Variants in CHRNB3 observed in about 807,000 individuals in gnomAD.
The protein encoded by CHRNB3 is neuronal acetylcholine receptor subunit beta-3.
In CHRNB3, 37 loss-of-function variants were observed where a neutral mutation model predicts 40.6. That is an observed-to-expected ratio of 0.91 (90% CI 0.70 to 1.20). CHRNB3 has a LOEUF of 1.20. Among genes scored for constraint, CHRNB3 ranks in the 50% most tolerant of loss-of-function variants. The pLI is 0.00. For missense variants in CHRNB3, 505 were observed against 551.2 expected (o/e 0.92, Z 0.84); for synonymous variants, 207 against 207.1 (o/e 1.00, Z 0.00).
chr8:42,732,007 T>G lies in CHRNB3; in HGVS notation c.700T>G (p.Leu234Val). The G allele has an allele frequency of 1.2e-6, 2 of 1,614,042 alleles. No individual in the cohort carries two copies. Among genetic ancestry groups the G allele is most frequent in the Non-Finnish European group, 1.7e-6 (2 of 1,180,004 alleles). The change falls in exon 5 of 6, where the codon TTA becomes GTA. Residue 234 changes from leucine (L) to valine (V), a missense_variant. Leu to Val is a conservative substitution (Grantham distance 32). Coordinates refer to ENST00000289957, the MANE Select transcript of CHRNB3 (RefSeq NM_000749.5). ...TTCCTTCGTCCTGAGACGCCTGCCT[T>G]TATTCTATACCCTCTTTCTCATCAT... ...TYSFVLRRLP[L>V]FYTLFLIIPC...
chr8:42,706,866 T>G (rs1437184334), intron 1 of CHRNB3, among the ~76,000 whole-genome samples: 10 of 152,222 alleles, frequency 6.6e-5, no homozygotes, highest in Non-Finnish European at 1.3e-4. Flanking sequence ...ACTCAAGCCA[T>G]CCTCCTGCCC....
Position 42,708,868 on chromosome 8 carries a change from GGTGA to G in CHRNB3, c.204+3_204+6del. The G allele has an allele frequency of 1.9e-6, 3 of 1,611,468 alleles. No homozygotes were observed. The highest frequency in any genetic ancestry group is 2.5e-6 in the Non-Finnish European group (3 of 1,178,722). On this transcript the variant is annotated splice_donor_variant and splice_donor_region_variant and intron_variant, in intron 2 of 5. Transcript: ENST00000289957. LOFTEE classifies it high-confidence loss of function. ...TGAAAATATCCCAGCTTGTAGATGTGGTGAGTAATCCTTGGCACTTGGCTAAAAA... is the reference window on the plus strand; with the variant it reads ...TGAAAATATCCCAGCTTGTAGATGTGGTAATCCTTGGCACTTGGCTAAAAA...
intron 3 of CHRNB3, among the ~76,000 whole-genome samples, chr8:42,711,090 AG>A (rs1816007094): frequency 6.6e-6 from 1 of 152,232 alleles, no homozygotes; most frequent in African/African-American, 2.4e-5. Flanking sequence ...AGTTTGTTCT[AG>A]GATTGTCAGT....
chr8:42,704,699 T>C (rs148382230), intron 1 of CHRNB3, among the ~76,000 whole-genome samples: 14 of 149,028 alleles, frequency 9.4e-5, no homozygotes, highest in Admixed American at 2.0e-4. Context: ...TGTGTGTGTG[T>C]GCTTGCATGT....
At chr8:42,726,755 G>T (rs1020992387) in intron 3 of CHRNB3, among the ~76,000 whole-genome samples, 1 of 152,142 alleles carries the variant, frequency 6.6e-6, no homozygotes, top group South Asian at 2.1e-4. Flanking sequence ...CTGCCAAAGT[G>T]CTGGGATTAC....
intron 3 of CHRNB3, chr8:42,725,884 A>G: frequency 1.2e-6 from 1 of 834,260 alleles, no homozygotes; most frequent in Non-Finnish European, 2.1e-6. Flanking sequence ...GACACCACTA[A>G]AAATTTTCTT....
chr8:42,720,838 G>A (rs1055676677), intron 3 of CHRNB3, among the ~76,000 whole-genome samples: 4 of 152,218 alleles, frequency 2.6e-5, no homozygotes, highest in African/African-American at 9.7e-5. Context: ...CTGCAGTTTT[G>A]CAATTTGCAA....
intron 1 of CHRNB3, among the ~76,000 whole-genome samples, chr8:42,701,554 A>G (rs995494015): frequency 1.1e-4 from 17 of 152,174 alleles, no homozygotes; most frequent in Non-Finnish European, 2.5e-4. Flanking sequence ...TTAAAAAATA[A>G]AAAGAATAAA....
At position 42,708,711 on chromosome 8, in the gene CHRNB3, T is replaced by C. The variant is rs895567732; in HGVS notation, c.53-6T>C. On this transcript the variant is annotated splice_polypyrimidine_tract_variant and splice_region_variant and intron_variant, in intron 1 of 5. Transcript: ENST00000289957. ...TAACCCAGGTCCACCCATGATTCTTTTACAGCCACCACAGGTTTCAACTCA... is the reference window on the plus strand; with the variant it reads ...TAACCCAGGTCCACCCATGATTCTTCTACAGCCACCACAGGTTTCAACTCA... The C allele has an allele frequency of 4.3e-6, 7 of 1,613,268 alleles. No individual in the cohort carries two copies. The African/African-American group carries it at 6.7e-5, about 15-fold the overall frequency.
At position 42,708,953 on chromosome 8, in the gene CHRNB3, C is replaced by G; in HGVS notation, c.204+85C>G. ...CTAAAATATATATTTTTCCCTATGT[C>G]TGCCATTTCAATTTTAAAAATAATT... On this transcript the variant is annotated intron_variant, in intron 2 of 5. Transcript: ENST00000289957. 3.1e-6 allele frequency: 4 copies of G among 1,307,372 alleles called. No individual in the cohort carries two copies. In the South Asian group the frequency reaches 7.5e-5, roughly 24 times the overall value. The allele number at this position is 1,307,372 out of a possible 1,614,324, so 81.0% of individuals were successfully genotyped here. A position where few individuals can be genotyped will look rare whatever the true frequency, so the allele number is the denominator to read the frequency against.
chr8:42,709,785 T>A (rs944370895), intron 2 of CHRNB3, among the ~76,000 whole-genome samples: 1 of 152,170 alleles, frequency 6.6e-6, no homozygotes, highest in African/African-American at 2.4e-5. Context: ...GCATGTGCCA[T>A]GATGCCCAGC....
At position 42,703,458 on chromosome 8, in the gene CHRNB3, A is replaced by G. The variant is rs192374659; in HGVS notation, c.53-5259A>G. Among the ~76,000 whole-genome samples, 183 of 123,712 alleles carry G rather than the reference A, an allele frequency of 1.5e-3. 14 individuals carry two copies. Among genetic ancestry groups the G allele is most frequent in the African/African-American group, 4.1e-3 (155 of 37,966 alleles). The allele number at this position is 123,712 out of a possible 152,430, so 81.2% of individuals were successfully genotyped here. On this transcript the variant is annotated intron_variant, in intron 1 of 5. Coordinates refer to ENST00000289957, the MANE Select transcript of CHRNB3 (RefSeq NM_000749.5). Reference sequence around the variant, plus strand: ...AAAATATTTATATATATATATATATATATGTATCCACAATGGGGGACACTC... The same window carrying G: ...AAAATATTTATATATATATATATATGTATGTATCCACAATGGGGGACACTC...
intron 3 of CHRNB3, among the ~76,000 whole-genome samples, chr8:42,714,494 C>CA (rs1816068949): frequency 6.7e-6 from 1 of 149,744 alleles, no homozygotes; most frequent in African/African-American, 2.5e-5. Context: ...CAAAACAAAA[C>CA]AAAACAAAAC....
chr8:42,703,889 G>C (rs2128904546), intron 1 of CHRNB3, among the ~76,000 whole-genome samples: 1 of 152,316 alleles, frequency 6.6e-6, no homozygotes, highest in African/African-American at 2.4e-5. Flanking sequence ...TTCCAGGCTT[G>C]TCCTCTAAGT....
chr8:42,700,225 C>T (rs1815764711), intron 1 of CHRNB3, among the ~76,000 whole-genome samples: 1 of 152,078 alleles, frequency 6.6e-6, no homozygotes, highest in South Asian at 2.1e-4. Context: ...CCGTGTTAGC[C>T]AGGATGGTCT....
At position 42,731,689 on chromosome 8, in the gene CHRNB3, T is replaced by C; in HGVS notation, c.382T>C (p.Ser128Pro). The change falls in exon 5 of 6, where the codon TCC becomes CCC. Residue 128 changes from serine to proline, a missense_variant. Coordinates refer to ENST00000289957, the MANE Select transcript of CHRNB3 (RefSeq NM_000749.5). Reference sequence around the variant, plus strand: ...CAGTGCTGACGGCCGCTTCGAAGGCTCCCTGATGACCAAGGTCATCGTGAA... The same window carrying C: ...CAGTGCTGACGGCCGCTTCGAAGGCCCCCTGATGACCAAGGTCATCGTGAA... ...FENADGRFEG[S>P]LMTKVIVKSN... The C allele has an allele frequency of 1.2e-6, 2 of 1,611,546 alleles. No individual in the cohort carries two copies. The highest frequency in any genetic ancestry group is 8.5e-7 in the Non-Finnish European group (1 of 1,178,540).
At chr8:42,720,327 G>C (rs1231820982) in intron 3 of CHRNB3, among the ~76,000 whole-genome samples, 2 of 151,782 alleles carry the variant, frequency 1.3e-5, no homozygotes, top group Non-Finnish European at 2.9e-5. Flanking sequence ...TGTTGGCCAG[G>C]ATGGTCTCGA....
chr8:42,735,620 A>G (rs1414005677), intron 5 of CHRNB3, among the ~76,000 whole-genome samples: 1 of 152,140 alleles, frequency 6.6e-6, no homozygotes, highest in East Asian at 1.9e-4. Flanking sequence ...TATTTACTCT[A>G]GAGGGATGAG....
At chr8:42,702,467 G>A (rs1287486328) in intron 1 of CHRNB3, among the ~76,000 whole-genome samples, 1 of 152,044 alleles carries the variant, frequency 6.6e-6, no homozygotes, top group Non-Finnish European at 1.5e-5. Context: ...AGAAAAATGA[G>A]ACAAAGATTA....
Sources: gnomAD v4.1 joint callset for allele counts (sites outside exome capture counted in the v4.1 genomes callset) on GRCh38, gnomAD v4.1.1 for gene constraint, MANE v1.5 for transcripts, NCBI Gene and HGNC (gene_info 2026-07-23, HGNC 2026-07-21) for gene names.